The following STARD13 variants were observed in gnomAD, a reference collection of about 807,000 sequenced individuals.
STARD13 encodes the protein stAR-related lipid transfer protein 13.
STARD13 carries 62 observed loss-of-function variants against 106.4 expected under a neutral mutation model. The ratio of observed to expected loss-of-function variants is 0.58; its 90% CI spans 0.48 to 0.72. The LOEUF (loss-of-function observed/expected upper bound fraction) is 0.72, where lower values mean the gene tolerates loss of function less well. Ranked by LOEUF, STARD13 falls within the 30% of genes least tolerant of loss-of-function variation. The pLI, the probability that STARD13 is intolerant of heterozygous loss-of-function variation, is 0.00. For synonymous variants in STARD13, 565 were observed against 553.0 expected (o/e 1.02, Z -0.31); for missense variants, 1,387 against 1,424.0 (o/e 0.97, Z 0.42).
the STARD13 span, among the ~76,000 whole-genome samples, chr13:33,551,568 C>CTTTTTTTTTTTTTTTTTTTTTTTTTT: frequency 3.6e-4 from 16 of 44,794 alleles, 8 homozygotes; most frequent in East Asian, 1.8e-3. Context: ...TTTGCTTTTC[C>CTTTTTTTTTTTTTTTTTTTTTTTTTT]CTTTTTTTTT....
rs17078771 is a variant in STARD13, at chr13:33,201,547, T to A, written c.170-33925A>T. 5.1e-3 allele frequency among the ~76,000 whole-genome samples: 777 copies of A among 152,330 alleles called. 12 individuals carry two copies. The highest frequency in any genetic ancestry group is 0.018 in the African/African-American group (734 of 41,560). On this transcript the variant is annotated intron_variant, in intron 1 of 13. Transcript: ENST00000336934. ...TAGTATTTGAACAAGTAGACTCAAA[T>A]TTTCTTTTTACCTGTTTTAAACCTC...
At chr13:33,429,438 T>C in the STARD13 span, among the ~76,000 whole-genome samples, 1 of 150,168 alleles carries the variant, frequency 6.7e-6, no homozygotes, top group Non-Finnish European at 1.5e-5. Flanking sequence ...CTACTAAAAA[T>C]ACAAAAAATT....
At chr13:33,127,598 G>T in intron 5 of STARD13, 52 bp from the exon 6 acceptor site, 1 of 1,485,626 alleles carries the variant, frequency 6.7e-7, no homozygotes. Context: ...ACTTGGTAGC[G>T]GGAAACACGG....
At chr13:33,464,024 CATATAT>C in the STARD13 span, among the ~76,000 whole-genome samples, 5 of 112,538 alleles carry the variant, frequency 4.4e-5, no homozygotes, top group African/African-American at 1.5e-4. Context: ...AAAAAAAATA[CATATAT>C]ATATATATAT....
chr13:33,439,137 TACA>T, the STARD13 span, among the ~76,000 whole-genome samples: 3 of 152,186 alleles, frequency 2.0e-5, no homozygotes, highest in Admixed American at 1.3e-4. Context: ...AAATGAAAAG[TACA>T]ACAACAGCTG....
the STARD13 span, among the ~76,000 whole-genome samples, chr13:33,534,231 A>G: frequency 6.6e-6 from 1 of 152,206 alleles, no homozygotes; most frequent in South Asian, 2.1e-4. Context: ...GTCTCCTACC[A>G]TAAAATACTA....
At chr13:33,627,649 A>T in the STARD13 span, among the ~76,000 whole-genome samples, 4 of 151,854 alleles carry the variant, frequency 2.6e-5, no homozygotes, top group African/African-American at 9.7e-5. Context: ...AAAAAAAAAA[A>T]AAATGTTCTT....
At position 33,103,302 on chromosome 13, in the gene STARD13, A is replaced by G. The variant is rs145519541; in HGVS notation, c.*2291T>C. On this transcript the variant is annotated 3_prime_UTR_variant, in exon 14 of 14. Coordinates refer to ENST00000336934, the MANE Select transcript of STARD13 (RefSeq NM_178006.4). ...ACTTTATTTCCATTGGCAAGATAAC[A>G]ATGAATAAAATACTGTGGTATTTGA... The G allele has an allele frequency of 3.3e-3, 507 of 152,788 alleles. 2 individuals are homozygous for G. The highest frequency in any genetic ancestry group is 5.2e-3 in the Non-Finnish European group (351 of 68,040). The allele number at this position is 152,788 out of a possible 1,614,324, so 9.5% of individuals were successfully genotyped here.
At chr13:33,642,512 ACTTGTCT>A in the STARD13 span, among the ~76,000 whole-genome samples, 3 of 152,098 alleles carry the variant, frequency 2.0e-5, no homozygotes, top group African/African-American at 7.2e-5. Flanking sequence ...CCCTGCAGAA[ACTTGTCT>A]CTTCTTGAAG....
chr13:33,276,457 G>C (rs1891437778), intron 1 of STARD13, among the ~76,000 whole-genome samples: 1 of 152,128 alleles, frequency 6.6e-6, no homozygotes, highest in Non-Finnish European at 1.5e-5. Context: ...CGCAGGATTT[G>C]TGAATCGTTC....
the STARD13 span, among the ~76,000 whole-genome samples, chr13:33,422,035 C>CA: frequency 0.16 from 23,703 of 152,060 alleles, 4,416 homozygotes; most frequent in African/African-American, 0.44. Context: ...AAAACCAGCA[C>CA]AAGACAAGGA....
the STARD13 span, among the ~76,000 whole-genome samples, chr13:33,460,489 T>TAAAA: frequency 7.2e-6 from 1 of 138,090 alleles, no homozygotes; most frequent in Non-Finnish European, 1.6e-5. Context: ...GACTCCATCT[T>TAAAA]AAAAAAAAAA....
intron 1 of STARD13, chr13:33,336,825 G>A (rs2077902505): frequency 1.3e-5 from 2 of 149,952 alleles, no homozygotes; most frequent in African/African-American, 4.9e-5. Context: ...ATTATTGGAT[G>A]AAGTAGCCTA....
At chr13:33,438,838 A>G in the STARD13 span, among the ~76,000 whole-genome samples, 14 of 152,336 alleles carry the variant, frequency 9.2e-5, no homozygotes, top group African/African-American at 2.9e-4. Flanking sequence ...GTGTATAAAA[A>G]TGGAAATAAT....
the STARD13 span, among the ~76,000 whole-genome samples, chr13:33,441,671 T>G: frequency 6.6e-6 from 1 of 152,236 alleles, no homozygotes. Context: ...AAGTATCAGG[T>G]ACACAGTATT....
intron 1 of STARD13, among the ~76,000 whole-genome samples, chr13:33,251,240 A>T (rs1423742128): frequency 6.6e-6 from 1 of 152,128 alleles, no homozygotes; most frequent in Non-Finnish European, 1.5e-5. Context: ...GGACCCACTG[A>T]GGTTGACAGG....
At chr13:33,355,276 T>C (rs900677834), upstream of STARD13, 2 of 152,212 alleles carry the variant, frequency 1.3e-5, no homozygotes, top group African/African-American at 4.8e-5. Context: ...TGCAATTCCA[T>C]TACATTTTTA....
chr13:33,493,475 A>G, the STARD13 span, among the ~76,000 whole-genome samples: 2 of 152,228 alleles, frequency 1.3e-5, no homozygotes, highest in South Asian at 2.1e-4. Context: ...TGATTCGTCA[A>G]TCATAGCAAA....
intron 1 of STARD13, among the ~76,000 whole-genome samples, chr13:33,338,665 T>C (rs61945470): frequency 1.6e-4 from 25 of 152,100 alleles, no homozygotes; most frequent in Admixed American, 3.9e-4. Context: ...AATGAGTTTA[T>C]AAGATATAGG....
Sources: allele counts gnomAD v4.1 joint callset (sites outside exome capture counted in the v4.1 genomes callset), GRCh38; gene constraint gnomAD v4.1.1; transcripts MANE v1.5; gene names NCBI Gene and HGNC (gene_info 2026-07-23, HGNC 2026-07-21).